MAGI2: variants seen among roughly 807,000 people sequenced by gnomAD.
MAGI2 encodes membrane-associated guanylate kinase, WW and PDZ domain-containing protein 2.
In MAGI2, 35 loss-of-function variants were observed where a neutral mutation model predicts 133.3. The ratio of observed to expected loss-of-function variants is 0.26; its 90% confidence interval spans 0.20 to 0.35. MAGI2 has a LOEUF of 0.35. Ranked by LOEUF, MAGI2 falls within the 10% of genes least tolerant of loss-of-function variation. MAGI2 has a pLI of 1.00. For missense variants in MAGI2, 1,636 were observed against 1,863.4 expected (o/e 0.88, Z 2.25); for synonymous variants, 729 against 710.6 (o/e 1.03, Z -0.41).
At chr7:79,348,034 C>G (rs968672166) in intron 1 of MAGI2, among the ~76,000 whole-genome samples, 8 of 151,810 alleles carry the variant, frequency 5.3e-5, no homozygotes, top group African/African-American at 1.9e-4. Context: ...AAATCCTTTA[C>G]TCTAAAAATG....
intron 6 of MAGI2, among the ~76,000 whole-genome samples, chr7:78,388,297 GTCA>G (rs59287109): frequency 1.6e-4 from 17 of 108,888 alleles, no homozygotes; most frequent in South Asian, 2.9e-4. Context: ...CATCATCATC[GTCA>G]TCATCATCAT....
chr7:78,083,150 A>G (rs889793568), intron 20 of MAGI2, among the ~76,000 whole-genome samples: 1 of 151,894 alleles, frequency 6.6e-6, no homozygotes, highest in African/African-American at 2.4e-5. Flanking sequence ...TTTTAAAACC[A>G]ATAGAAAATT....
At chr7:78,594,937 G>A (rs1804439990) in intron 3 of MAGI2, among the ~76,000 whole-genome samples, 1 of 152,152 alleles carries the variant, frequency 6.6e-6, no homozygotes, top group South Asian at 2.1e-4. Context: ...CTCAGTTATA[G>A]ATTAATTATG....
At chr7:79,397,109 C>T (rs1845115633) in intron 1 of MAGI2, among the ~76,000 whole-genome samples, 1 of 150,346 alleles carries the variant, frequency 6.7e-6, no homozygotes, top group Admixed American at 6.6e-5. Context: ...ATATGAAAAT[C>T]ATAGAATAAA....
At chr7:78,121,906 C>T (rs896479648) in intron 20 of MAGI2, among the ~76,000 whole-genome samples, 1 of 152,062 alleles carries the variant, frequency 6.6e-6, no homozygotes, top group African/African-American at 2.4e-5. Flanking sequence ...TAACTTATAG[C>T]AGTGAAAAAT....
chr7:78,498,199 C>A (rs73703433), intron 5 of MAGI2, among the ~76,000 whole-genome samples: 1 of 152,146 alleles, frequency 6.6e-6, no homozygotes, highest in Non-Finnish European at 1.5e-5. Context: ...AGTAGCTTAA[C>A]TGAGCCATCC....
At chr7:78,207,453 C>A (rs1372927045) in intron 10 of MAGI2, among the ~76,000 whole-genome samples, 1 of 152,154 alleles carries the variant, frequency 6.6e-6, no homozygotes, top group African/African-American at 2.4e-5. Context: ...ATTTAAAGAT[C>A]CTCCCATTCT....
At chr7:79,382,938 T>C (rs1843905277) in intron 1 of MAGI2, among the ~76,000 whole-genome samples, 1 of 151,596 alleles carries the variant, frequency 6.6e-6, no homozygotes, top group Non-Finnish European at 1.5e-5. Context: ...TGTAGTTTGC[T>C]AACCATCTTT....
At chr7:78,761,243 G>A (rs1824475363) in intron 2 of MAGI2, among the ~76,000 whole-genome samples, 1 of 152,192 alleles carries the variant, frequency 6.6e-6, no homozygotes, top group African/African-American at 2.4e-5. Context: ...CTCTTTCCCA[G>A]GACATGCAAG....
intron 1 of MAGI2, among the ~76,000 whole-genome samples, chr7:79,210,324 A>T (rs1829403226): frequency 6.6e-6 from 1 of 152,156 alleles, no homozygotes; most frequent in East Asian, 1.9e-4. Flanking sequence ...ATAAATGTTG[A>T]TATCTGTATG....
intron 1 of MAGI2, among the ~76,000 whole-genome samples, chr7:79,327,456 C>T (rs1325966621): frequency 6.6e-6 from 1 of 152,078 alleles, no homozygotes; most frequent in Admixed American, 6.6e-5. Flanking sequence ...TTTCTCTTCC[C>T]TTTACCTGGT....
chr7:78,377,831 A>AAAC lies in MAGI2; in HGVS notation c.1046-8619_1046-8618insGTT, dbSNP rs1554376384. On this transcript the variant is annotated intron_variant, in intron 6 of 21. Coordinates refer to ENST00000354212, the MANE Select transcript of MAGI2 (RefSeq NM_012301.4). ...GAACAAAAGAAATATCAAACTAAAC[A>AAAC]AAAAAAAAGAGCAGACTATTTATAG... Among the ~76,000 whole-genome samples, 5 of 5,266 alleles carry AAAC rather than the reference A, an allele frequency of 9.5e-4. No individual in the cohort carries two copies. In the East Asian group the frequency reaches 0.015, roughly 16 times the overall value. 3.5% of individuals were successfully genotyped at this position (5,266 alleles called of 152,430 possible). A position where few individuals can be genotyped will look rare whatever the true frequency, so the allele number is the denominator to read the frequency against.
At position 78,133,050 on chromosome 7, in the gene MAGI2, G is replaced by A; in HGVS notation, c.3042C>T (p.Ser1014=). 2 of 1,566,110 alleles carry A rather than the reference G, an allele frequency of 1.3e-6. No individual in the cohort carries two copies. The highest frequency in any genetic ancestry group is 1.2e-5 in the South Asian group (1 of 82,774). Residue 1014 remains serine (S), a synonymous_variant, in exon 18 of 22, where the codon AGC becomes AGT. Transcript: ENST00000354212. ...TCTCTGAGCTGGGTGCCGAGGTGGG[G>A]CTGTTGAGCTCTGCGATGGAGAACC... The part of the protein sequence containing the change: ...LRIIPQEELN[S]PTSAPSSEKQ...
chr7:78,686,685 C>T (rs1243169044), intron 2 of MAGI2, among the ~76,000 whole-genome samples: 1 of 151,966 alleles, frequency 6.6e-6, no homozygotes, highest in African/African-American at 2.4e-5. Context: ...AAAATATTGT[C>T]GAGCTGAGTG....
chr7:78,673,260 T>A (rs1174010485), intron 2 of MAGI2, among the ~76,000 whole-genome samples: 1 of 151,910 alleles, frequency 6.6e-6, no homozygotes, highest in Non-Finnish European at 1.5e-5. Flanking sequence ...ATAGAACCAA[T>A]AGAATATATG....
At chr7:78,728,775 C>A (rs1228961570) in intron 2 of MAGI2, among the ~76,000 whole-genome samples, 1 of 128,052 alleles carries the variant, frequency 7.8e-6, no homozygotes, top group African/African-American at 2.7e-5. Flanking sequence ...CCGTTTTAGC[C>A]GGGATGGTCT....
chr7:78,234,625 CATATA>C (rs1303122934), intron 10 of MAGI2, among the ~76,000 whole-genome samples: 2 of 15,010 alleles, frequency 1.3e-4, no homozygotes, highest in African/African-American at 2.6e-4. Context: ...CATTATATTT[CATATA>C]ATATAATGAA....
rs754558262 is a variant in MAGI2 at position 78,019,984 on chromosome 7, C to A, written c.3707-8G>T. On this transcript the variant is annotated splice_polypyrimidine_tract_variant and splice_region_variant and intron_variant, in intron 21 of 21. Transcript: ENST00000354212. ...TCCAGGGGGCGGGTTCGTCTGTGGA[C>A]GGGAAGCACAGGCGTTAGCAGTGGC... 3.8e-6 allele frequency: 6 copies of A among 1,599,116 alleles called. No individual in the cohort carries two copies. Among genetic ancestry groups the A allele is most frequent in the Non-Finnish European group, 5.1e-6 (6 of 1,175,034 alleles).
intron 2 of MAGI2, among the ~76,000 whole-genome samples, chr7:78,894,978 T>C (rs2151579524): frequency 6.6e-6 from 1 of 152,298 alleles, no homozygotes; most frequent in Middle Eastern, 3.4e-3. Context: ...CTTCTGTAAC[T>C]GACACTGAAA....
Sources: allele counts gnomAD v4.1 joint callset (sites outside exome capture counted in the v4.1 genomes callset), GRCh38; gene constraint gnomAD v4.1.1; transcripts MANE v1.5; gene names NCBI Gene and HGNC (gene_info 2026-07-23, HGNC 2026-07-21).